The following ZNF892 variants were observed in gnomAD, a reference collection of about 807,000 sequenced individuals.
The protein encoded by ZNF892 is zinc finger protein 892.
chr2:95,207,215 G>A, the ZNF892 span, among the ~76,000 whole-genome samples: 1 of 152,244 alleles, frequency 6.6e-6, no homozygotes, highest in Non-Finnish European at 1.5e-5. Flanking sequence ...GAGCACCGCA[G>A]CCCGGGAAGG....
chr2:95,215,912 T>C, the ZNF892 span, among the ~76,000 whole-genome samples: 1 of 152,188 alleles, frequency 6.6e-6, no homozygotes, highest in African/African-American at 2.4e-5. Flanking sequence ...ATCTTGACTG[T>C]GCCAGGTATT....
At chr2:95,207,984 C>G in the ZNF892 span, 1 of 396,706 alleles carries the variant, frequency 2.5e-6, no homozygotes, top group Non-Finnish European at 4.4e-6. Flanking sequence ...AGGGATAGCC[C>G]GCCACTTCCA....
At chr2:95,223,577 C>G in the ZNF892 span, among the ~76,000 whole-genome samples, 1 of 152,026 alleles carries the variant, frequency 6.6e-6, no homozygotes, top group Non-Finnish European at 1.5e-5. Context: ...TTTTTTGCAT[C>G]TTTTGTAGAA....
chr2:95,239,142 A>G, the ZNF892 span, among the ~76,000 whole-genome samples: 2 of 74,792 alleles, frequency 2.7e-5, no homozygotes, highest in African/African-American at 1.2e-4. Context: ...TCCGTCTCAA[A>G]GGAAAAAAAA....
At chr2:95,207,449 C>T in the ZNF892 span, 1 of 189,116 alleles carries the variant, frequency 5.3e-6, no homozygotes, top group Admixed American at 6.2e-5. Context: ...CAGGTGGCCG[C>T]AGGGTCCTCT....
chr2:95,237,418 C>A, the ZNF892 span, among the ~76,000 whole-genome samples: 1 of 152,082 alleles, frequency 6.6e-6, no homozygotes, highest in African/African-American at 2.4e-5. Flanking sequence ...TTTGGGAGCA[C>A]CATGAACCGC....
chr2:95,233,380 T>A, the ZNF892 span, among the ~76,000 whole-genome samples: 1 of 151,068 alleles, frequency 6.6e-6, no homozygotes, highest in Admixed American at 6.6e-5. Flanking sequence ...TTGAAAAAAA[T>A]AAAAACATCT....
the ZNF892 span, among the ~76,000 whole-genome samples, chr2:95,256,360 G>T: frequency 6.6e-6 from 1 of 152,154 alleles, no homozygotes; most frequent in Admixed American, 6.5e-5. Flanking sequence ...TGAAATTCTG[G>T]GTTGAAAATT....
the ZNF892 span, among the ~76,000 whole-genome samples, chr2:95,229,201 T>C: frequency 6.6e-6 from 1 of 152,212 alleles, no homozygotes; most frequent in African/African-American, 2.4e-5. Flanking sequence ...CAAAATAAAC[T>C]TTCTAAATTA....
the ZNF892 span, among the ~76,000 whole-genome samples, chr2:95,248,050 C>T: frequency 1.3e-5 from 2 of 152,232 alleles, no homozygotes; most frequent in South Asian, 4.1e-4. Flanking sequence ...ATGTTCATTG[C>T]AACACTATTC....
At chr2:95,245,930 C>CA in the ZNF892 span, among the ~76,000 whole-genome samples, 1 of 151,994 alleles carries the variant, frequency 6.6e-6, no homozygotes, top group African/African-American at 2.4e-5. Context: ...TGAATTCCAC[C>CA]AAAAGTACAA....
chr2:95,246,025 C>T, the ZNF892 span, among the ~76,000 whole-genome samples: 4 of 152,206 alleles, frequency 2.6e-5, no homozygotes, highest in African/African-American at 9.6e-5. Context: ...ATGAGGCCAG[C>T]ATTGTCCTGA....
chr2:95,258,013 T>A, the ZNF892 span, among the ~76,000 whole-genome samples: 1 of 152,138 alleles, frequency 6.6e-6, no homozygotes, highest in Non-Finnish European at 1.5e-5. Context: ...CCCTTGCGCT[T>A]CCCGGGTGAG....
the ZNF892 span, among the ~76,000 whole-genome samples, chr2:95,223,650 C>T: frequency 2.0e-5 from 3 of 152,258 alleles, no homozygotes; most frequent in South Asian, 6.2e-4. Flanking sequence ...ATCTGCCCAC[C>T]TTGGCCTCCC....
At chr2:95,225,252 CAT>C in the ZNF892 span, among the ~76,000 whole-genome samples, 1 of 152,088 alleles carries the variant, frequency 6.6e-6, no homozygotes, top group Non-Finnish European at 1.5e-5. Context: ...AAACACATAA[CAT>C]AAAATTTACC....
the ZNF892 span, among the ~76,000 whole-genome samples, chr2:95,237,713 G>A: frequency 8.5e-5 from 13 of 152,324 alleles, no homozygotes; most frequent in East Asian, 1.9e-3. Context: ...AACAGTTAGC[G>A]AAGTTGTGAA....
the ZNF892 span, chr2:95,208,741 G>A: frequency 2.5e-6 from 1 of 398,660 alleles, no homozygotes; most frequent in African/African-American, 2.1e-5. Context: ...TCCCAAGTAA[G>A]TTTAGATTTC....
chr2:95,211,034 A>G, the ZNF892 span, among the ~76,000 whole-genome samples: 1 of 152,124 alleles, frequency 6.6e-6, no homozygotes, highest in Non-Finnish European at 1.5e-5. Flanking sequence ...GGACGCGGGC[A>G]GATTGATCAG....
the ZNF892 span, among the ~76,000 whole-genome samples, chr2:95,233,187 T>G: frequency 1.3e-5 from 2 of 151,966 alleles, no homozygotes; most frequent in Non-Finnish European, 2.9e-5. Flanking sequence ...CAGACTTACA[T>G]TTTATTTTTT....
Sources: allele counts gnomAD v4.1 joint callset (sites outside exome capture counted in the v4.1 genomes callset), GRCh38; gene constraint gnomAD v4.1.1; transcripts MANE v1.5; gene names NCBI Gene and HGNC (gene_info 2026-07-23, HGNC 2026-07-21).